SH3D21: variants seen among roughly 807,000 people sequenced by gnomAD.
SH3D21 encodes SH3 domain-containing protein 21.
Under a neutral mutation model 82.1 loss-of-function variants are expected in SH3D21, and 83 were observed. The ratio of observed to expected loss-of-function variants is 1.01; its 90% CI spans 0.85 to 1.21. The LOEUF (loss-of-function observed/expected upper bound fraction) is 1.21. SH3D21 is among the 50% of genes most tolerant of loss of function. The pLI, the probability that SH3D21 is intolerant of heterozygous loss-of-function variation, is 0.00. For synonymous variants in SH3D21, 383 were observed against 387.8 expected, an observed-to-expected ratio of 0.99 and a Z score of 0.15; for missense variants, 980 against 962.1, an observed-to-expected ratio of 1.02 and a Z score of -0.25.
intron 8 of SH3D21, 53 bp from the exon 9 acceptor site, chr1:36,308,336 A>C: frequency 6.5e-7 from 1 of 1,527,130 alleles, no homozygotes; most frequent in Non-Finnish European, 8.9e-7. Context: ...GGGACCCCGG[A>C]AAGGACCTTG....
downstream of SH3D21, chr1:36,323,155 G>A (rs1570413843): frequency 4.2e-6 from 5 of 1,187,956 alleles, no homozygotes; most frequent in East Asian, 1.4e-4. Context: ...GGGAGCCGCG[G>A]GCCCAGGTTC....
At chr1:36,308,066 G>A (rs760123576) in intron 7 of SH3D21, 43 bp from the exon 8 acceptor site, 1 of 1,546,432 alleles carries the variant, frequency 6.5e-7, no homozygotes, top group Non-Finnish European at 8.7e-7. Context: ...TGATGGATGG[G>A]GGAGGCTTGG....
chr1:36,326,007 G>A (rs1646540526), downstream of SH3D21, among the ~76,000 whole-genome samples: 1 of 152,188 alleles, frequency 6.6e-6, no homozygotes, highest in Admixed American at 6.5e-5. Context: ...ACAACACCTG[G>A]GAGTGGCTCT....
At position 36,306,526 on chromosome 1, in the gene SH3D21, C is replaced by T. The variant is rs945008480; in HGVS notation, c.5-72C>T. ...CGCTGCCCTCTACGGTGCTTGGGGA[C>T]ACGCCCGCCCTAGCCAGGCTGCCCG... On this transcript the variant is annotated intron_variant, in intron 1 of 15. Coordinates refer to ENST00000453908, the MANE Select transcript of SH3D21 (RefSeq NM_001162530.2). This position sits in a 1 kb window ranked among gnomAD's most constrained non-coding sequence, Gnocchi z 4.5. 1 of 1,303,006 alleles carries T rather than the reference C, an allele frequency of 7.7e-7. No homozygotes were observed. The highest frequency in any genetic ancestry group is 1.0e-6 in the Non-Finnish European group (1 of 988,010). 80.7% of individuals were successfully genotyped at this position (1,303,006 alleles called of 1,614,324 possible).
rs1331664991 is a variant in SH3D21 at position 36,307,993 on chromosome 1, C to T, written c.538+30C>T. The T allele has an allele frequency of 5.2e-6, 8 of 1,551,502 alleles. No individual in the cohort carries two copies. The South Asian group carries it at 9.5e-5, about 18-fold the overall frequency. On this transcript the variant is annotated intron_variant, in intron 7 of 15. Coordinates refer to ENST00000453908, the MANE Select transcript of SH3D21 (RefSeq NM_001162530.2). This position sits in a 1 kb window ranked among gnomAD's most constrained non-coding sequence, Gnocchi z 5.4. Reference sequence around the variant, plus strand: ...GCACCCATCCAAAGGGTCCCCCACTCCCTCAGCCACTCCCAAGGTTGTGAC... The same window carrying T: ...GCACCCATCCAAAGGGTCCCCCACTTCCTCAGCCACTCCCAAGGTTGTGAC...
At chr1:36,330,014 C>G (rs1646577207), downstream of SH3D21, among the ~76,000 whole-genome samples, 1 of 152,180 alleles carries the variant, frequency 6.6e-6, no homozygotes, top group Admixed American at 6.5e-5. Context: ...AAGACTTCAG[C>G]TGAACTGGCA....
chr1:36,306,797 G>T lies in SH3D21; in HGVS notation c.162+42G>T. The T allele has an allele frequency of 1.5e-6, 2 of 1,291,568 alleles. No individual in the cohort carries two copies. The highest frequency in any genetic ancestry group is 2.5e-5 in the South Asian group (2 of 80,690). 80.0% of individuals were successfully genotyped at this position (1,291,568 alleles called of 1,614,324 possible). On this transcript the variant is annotated intron_variant, in intron 2 of 15. Coordinates refer to ENST00000453908, the MANE Select transcript of SH3D21 (RefSeq NM_001162530.2). This position sits in a 1 kb window ranked among gnomAD's most constrained non-coding sequence, Gnocchi z 4.5. ...GGCGGGCTGTGGGGTCTCAGCGCGCGCCCCCCGGGAGCTGAGAGCGCCTTC... is the reference window on the plus strand; with the variant it reads ...GGCGGGCTGTGGGGTCTCAGCGCGCTCCCCCCGGGAGCTGAGAGCGCCTTC...
downstream of SH3D21, among the ~76,000 whole-genome samples, chr1:36,326,580 G>T (rs1646547839): frequency 6.6e-6 from 1 of 152,156 alleles, no homozygotes; most frequent in Non-Finnish European, 1.5e-5. Flanking sequence ...GGAGCGTTGA[G>T]CAGGGGAGTG....
rs148695077 is a variant in SH3D21, at chr1:36,320,295, G to C, written c.1632G>C (p.Glu544Asp). The change falls in exon 14 of 16, where the codon GAG becomes GAC. Residue 544 changes from glutamate (E) to aspartate (D), a missense_variant. By Grantham distance (45) the Glu-to-Asp change is conservative. Transcript: ENST00000453908. ...EAPPPQPPSSERCLGEMKCTL... is the reference protein window; with the variant it reads ...EAPPPQPPSSDRCLGEMKCTL... ...CCCCACCCCAGCCTCCTTCCTCAGA[G>C]AGGTGCCTGGGAGAGATGAAATGTA... The C allele has an allele frequency of 6.2e-7, 1 of 1,612,644 alleles. No homozygotes were observed. Among genetic ancestry groups the C allele is most frequent in the African/African-American group, 1.3e-5 (1 of 74,918 alleles).
In SH3D21 at chr1:36,309,675, A is replaced by T. The variant is rs972159853; in HGVS notation, c.769+85A>T. The T allele has an allele frequency of 1.0e-5, 15 of 1,468,546 alleles. No homozygotes were observed. In the Admixed American group the frequency reaches 1.6e-4, roughly 16 times the overall value. 91.0% of individuals were successfully genotyped at this position (1,468,546 alleles called of 1,614,324 possible). Reference sequence around the variant, plus strand: ...TGCTTATAAACACCCACAGCACCCCAGTGGTCCAGTATGCCCCTATAGGAG... The same window carrying T: ...TGCTTATAAACACCCACAGCACCCCTGTGGTCCAGTATGCCCCTATAGGAG... On this transcript the variant is annotated intron_variant, in intron 10 of 15. Transcript: ENST00000453908.
chr1:36,323,013 C>G, downstream of SH3D21: 1 of 1,599,442 alleles, frequency 6.3e-7, no homozygotes, highest in East Asian at 2.2e-5. Flanking sequence ...CTGAGCAACT[C>G]CATGTCCCTT....
downstream of SH3D21, among the ~76,000 whole-genome samples, chr1:36,325,820 G>A (rs539132647): frequency 1.3e-5 from 2 of 152,156 alleles, no homozygotes; most frequent in Admixed American, 1.3e-4. Context: ...CAGGGATTAC[G>A]GGCGTGAGCC....
chr1:36,307,110 C>A lies in SH3D21; in HGVS notation c.227-57C>A, dbSNP rs893047184. The stretch of plus-strand genomic sequence containing the variant: ...GCTACGTGCGCGCCTTGCGCTTCCC[C>A]CAGCTCCTCTGACTGGGGCGTCCGA... On this transcript the variant is annotated intron_variant, in intron 3 of 15. Coordinates refer to ENST00000453908, the MANE Select transcript of SH3D21 (RefSeq NM_001162530.2). This position sits in a 1 kb window ranked among gnomAD's most constrained non-coding sequence, Gnocchi z 5.4. 1.7e-5 allele frequency: 27 copies of A among 1,546,610 alleles called. No homozygotes were observed. The highest frequency in any genetic ancestry group is 2.4e-5 in the Non-Finnish European group (27 of 1,144,170).
rs560185298 is a variant in SH3D21, at chr1:36,306,835, T to G, written c.163-7T>G. 3.0e-5 allele frequency: 39 copies of G among 1,295,816 alleles called. No homozygotes were observed. In the African/African-American group the frequency reaches 5.9e-4, roughly 19 times the overall value. The allele number at this position is 1,295,816 out of a possible 1,614,324, so 80.3% of individuals were successfully genotyped here. A position where few individuals can be genotyped will look rare whatever the true frequency, so the allele number is the denominator to read the frequency against. ...TGAGAGCGCCTTCCCCGTGCCCTGA[T>G]TCCCAGGAGATCCCAGAGACCCTGC... is the stretch of plus-strand genomic sequence containing the variant. On this transcript the variant is annotated splice_polypyrimidine_tract_variant and splice_region_variant and intron_variant, in intron 2 of 15. Coordinates refer to ENST00000453908, the MANE Select transcript of SH3D21 (RefSeq NM_001162530.2). The surrounding 1 kb of genome is among the most constrained non-coding windows in gnomAD (Gnocchi z 4.5).
downstream of SH3D21, chr1:36,322,332 G>T (rs139875973): frequency 6.4e-7 from 1 of 1,568,566 alleles, no homozygotes; most frequent in Non-Finnish European, 8.6e-7. Flanking sequence ...GCCCGTGGCC[G>T]TGGGGCTGGG....
rs1260558510 is a variant in SH3D21 at position 36,320,005 on chromosome 1, G to A, written c.1342G>A (p.Glu448Lys). ...GACTGTGGACAAACCCTCCACTCCA[G>A]AGAGGGTCTTTTCAGTGGAAGAGTC... ...TLTVDKPSTP[E>K]RVFSVEESPA... The change falls in exon 14 of 16, where the codon GAG (glutamate) becomes AAG (lysine). Residue 448 changes from glutamate (E) to lysine (K), a missense_variant. Transcript: ENST00000453908. 6.2e-7 allele frequency: 1 copy of A among 1,614,044 alleles called. No individual in the cohort carries two copies. Among genetic ancestry groups the A allele is most frequent in the African/African-American group, 1.3e-5 (1 of 74,924 alleles).
chr1:36,319,248 G>T lies in SH3D21; in HGVS notation c.864-12G>T. On this transcript the variant is annotated splice_polypyrimidine_tract_variant and intron_variant, in intron 11 of 15. Transcript: ENST00000453908. ...TGCCCCACCCTGAGGGCCTGATGAA[G>T]ATATGTTCCAGGACATCTCGGACAC... 6.4e-7 allele frequency: 1 copy of T among 1,551,712 alleles called. No homozygotes were observed. Among genetic ancestry groups the T allele is most frequent in the Non-Finnish European group, 8.7e-7 (1 of 1,146,996 alleles).
chr1:36,319,070 G>A lies in SH3D21; in HGVS notation c.770-1G>A. 1 of 1,532,146 alleles carries A rather than the reference G, an allele frequency of 6.5e-7. No individual in the cohort carries two copies. The allele number at this position is 1,532,146 out of a possible 1,614,324, so 94.9% of individuals were successfully genotyped here. A position where few individuals can be genotyped will look rare whatever the true frequency, so the allele number is the denominator to read the frequency against. On this transcript the variant is annotated splice_acceptor_variant, in intron 10 of 15. Transcript: ENST00000453908. LOFTEE classifies it high-confidence loss of function. ...TGAGTGCTCCACTCCTCTCTTCCCA[G>A]CTCCTATTAAGGAACCAAAAAAGTT... is the stretch of plus-strand genomic sequence containing the variant.
In SH3D21 at chr1:36,307,306, AC is replaced by A. The variant is rs1161094933; in HGVS notation, c.345+23del. On this transcript the variant is annotated intron_variant, in intron 4 of 15. Coordinates refer to ENST00000453908, the MANE Select transcript of SH3D21 (RefSeq NM_001162530.2). This position sits in a 1 kb window ranked among gnomAD's most constrained non-coding sequence, Gnocchi z 5.4. ...AGGAGGTGAGGGGTGAGGTGATGGG[AC>A]CGTTTGGGGGAGGATGATGGAACGC... The A allele has an allele frequency of 6.4e-6, 10 of 1,551,396 alleles. No homozygotes were observed. The highest frequency in any genetic ancestry group is 8.7e-6 in the Non-Finnish European group (10 of 1,146,872).
Sources: allele counts gnomAD v4.1 joint callset (sites outside exome capture counted in the v4.1 genomes callset), GRCh38; gene constraint gnomAD v4.1.1; non-coding constraint Gnocchi (gnomAD v3.1); transcripts MANE v1.5; gene names NCBI Gene and HGNC (gene_info 2026-07-23, HGNC 2026-07-21).